Variants in NHEJ1 observed in about 807,000 individuals in gnomAD.
NHEJ1 encodes non-homologous end-joining factor 1.
A neutral mutation model predicts 39.4 loss-of-function variants in NHEJ1; 22 were observed. The observed-to-expected ratio is 0.56, with a 90% CI of 0.40 to 0.80. The LOEUF (loss-of-function observed/expected upper bound fraction) is 0.80. NHEJ1 is among the 30% of genes least tolerant of loss of function. The pLI, the probability that NHEJ1 is intolerant of heterozygous loss-of-function variation, is 0.00. For synonymous variants in NHEJ1, 154 were observed against 135.6 expected (o/e 1.14, Z -0.94); for missense variants, 329 against 357.1 (o/e 0.92, Z 0.63).
intron 5 of NHEJ1, among the ~76,000 whole-genome samples, chr2:219,140,581 C>A (rs1949681039): frequency 6.6e-6 from 1 of 152,276 alleles, no homozygotes; most frequent in African/African-American, 2.4e-5. Flanking sequence ...GGACAGCAGT[C>A]AGGATGACTC....
Position 219,111,597 on chromosome 2 carries a change from A to C in NHEJ1, c.589-33391T>G, listed in dbSNP as rs1000210163. Among the ~76,000 whole-genome samples the C allele has an allele frequency of 1.8e-4, 27 of 150,858 alleles. No individual in the cohort carries two copies. Among genetic ancestry groups the C allele is most frequent in the African/African-American group, 6.4e-4 (26 of 40,926 alleles). On this transcript the variant is annotated intron_variant, in intron 5 of 7. Coordinates refer to ENST00000356853, the MANE Select transcript of NHEJ1 (RefSeq NM_024782.3). This position sits in a 1 kb window ranked among gnomAD's most constrained non-coding sequence, Gnocchi z 4.1. ...CAAGCCAGTGGGCTGCAGGTTCTGA[A>C]GACCAGAATTAAGTCTACAGTGTGA...
chr2:219,154,124 A>T (rs80095179), intron 3 of NHEJ1, among the ~76,000 whole-genome samples: 6,256 of 152,254 alleles, frequency 0.041, 432 homozygotes, highest in African/African-American at 0.14. Context: ...ACACAAAGGC[A>T]GGTCCTCTGA....
intron 5 of NHEJ1, among the ~76,000 whole-genome samples, chr2:219,140,131 A>T (rs573982170): frequency 6.6e-6 from 1 of 152,274 alleles, no homozygotes; most frequent in East Asian, 1.9e-4. Flanking sequence ...GCCTAAAGGC[A>T]GTGTTAGAGT....
chr2:219,115,495 G>GAGCTCAGGCTCTT (rs1304941035), intron 5 of NHEJ1, among the ~76,000 whole-genome samples: 2 of 152,168 alleles, frequency 1.3e-5, no homozygotes, highest in Non-Finnish European at 2.9e-5. Flanking sequence ...CAAGTCAAGA[G>GAGCTCAGGCTCTT]CCTGAGCAAA....
At chr2:219,134,372 A>G (rs1332342350) in intron 5 of NHEJ1, among the ~76,000 whole-genome samples, 1 of 152,230 alleles carries the variant, frequency 6.6e-6, no homozygotes, top group African/African-American at 2.4e-5. Flanking sequence ...GGTTTGTTGT[A>G]AGGATTAAAT....
rs889023601 is a variant in NHEJ1 at position 219,076,174 on chromosome 2, C to G, written c.*207G>C. ...ACCTCCACCAAAAGAGAGGAGAGCA[C>G]GGGATTCTCAGAGACTGGCTTCCAC... On this transcript the variant is annotated 3_prime_UTR_variant, in exon 8 of 8. Coordinates refer to ENST00000356853, the MANE Select transcript of NHEJ1 (RefSeq NM_024782.3). 6.2e-6 allele frequency: 7 copies of G among 1,131,808 alleles called. No homozygotes were observed. In the South Asian group the frequency reaches 9.6e-5, roughly 15 times the overall value. The allele number at this position is 1,131,808 out of a possible 1,614,324, so 70.1% of individuals were successfully genotyped here.
intron 5 of NHEJ1, among the ~76,000 whole-genome samples, chr2:219,080,640 CTTATATATATGCTAATATATATAAGCTT>C (rs199931552): frequency 0.04 from 4,804 of 121,518 alleles, 373 homozygotes; most frequent in African/African-American, 0.13. Context: ...TATATATAAG[CTTATATATATGCTAATATATATAAGCTT>C]TTATATATGC....
intron 5 of NHEJ1, among the ~76,000 whole-genome samples, chr2:219,103,804 C>G (rs1949288983): frequency 6.6e-6 from 1 of 152,138 alleles, no homozygotes; most frequent in South Asian, 2.1e-4. Context: ...AGTCACACAG[C>G]TAGTAACTAA....
intron 5 of NHEJ1, among the ~76,000 whole-genome samples, chr2:219,099,689 T>A (rs997264980): frequency 6.6e-6 from 1 of 151,440 alleles, no homozygotes; most frequent in African/African-American, 2.5e-5. Context: ...CCCAGCTCCA[T>A]ACTCACTAGT....
At chr2:219,156,050 C>G (rs563596518) in intron 3 of NHEJ1, among the ~76,000 whole-genome samples, 4 of 151,992 alleles carry the variant, frequency 2.6e-5, no homozygotes, top group Admixed American at 6.6e-5. Context: ...GAGATCGAGA[C>G]CATCCTGGCT....
At chr2:219,120,462 A>C (rs1949460673) in intron 5 of NHEJ1, among the ~76,000 whole-genome samples, 1 of 152,234 alleles carries the variant, frequency 6.6e-6, no homozygotes, top group African/African-American at 2.4e-5. Context: ...AGAAGGAATC[A>C]GAATAGGGGG....
chr2:219,136,398 C>T (rs1949629094), intron 5 of NHEJ1, among the ~76,000 whole-genome samples: 1 of 151,406 alleles, frequency 6.6e-6, no homozygotes, highest in Non-Finnish European at 1.5e-5. Flanking sequence ...AAGTGATTCT[C>T]CTGCCTCAGT....
chr2:219,123,973 G>A (rs1297832771), intron 5 of NHEJ1, among the ~76,000 whole-genome samples: 1 of 152,194 alleles, frequency 6.6e-6, no homozygotes, highest in Admixed American at 6.5e-5. Context: ...AATCCTGGCG[G>A]TGGGGGCAGA....
At chr2:219,100,369 G>A (rs1228178525) in intron 5 of NHEJ1, among the ~76,000 whole-genome samples, 2 of 151,650 alleles carry the variant, frequency 1.3e-5, no homozygotes, top group Non-Finnish European at 2.9e-5. Context: ...TTGGGAGTCT[G>A]AGGCAGGTGG....
chr2:219,084,025 G>A lies in NHEJ1; in HGVS notation c.589-5819C>T, dbSNP rs202024982. ...TTCTTTGCTTTTTTTTTTTTTTTTTGAGATTAAGTCTTGCTCTGTCTCCCA... is the reference window on the plus strand; with the variant it reads ...TTCTTTGCTTTTTTTTTTTTTTTTTAAGATTAAGTCTTGCTCTGTCTCCCA... On this transcript the variant is annotated intron_variant, in intron 5 of 7. Coordinates refer to ENST00000356853, the MANE Select transcript of NHEJ1 (RefSeq NM_024782.3). Among the ~76,000 whole-genome samples, 12 of 69,854 alleles carry A rather than the reference G, an allele frequency of 1.7e-4. 1 individual carries two copies. The East Asian group carries it at 4.9e-3, about 29-fold the overall frequency. 45.8% of individuals were successfully genotyped at this position (69,854 alleles called of 152,430 possible).
intron 5 of NHEJ1, among the ~76,000 whole-genome samples, chr2:219,144,316 A>G (rs1949716306): frequency 6.6e-6 from 1 of 152,210 alleles, no homozygotes; most frequent in African/African-American, 2.4e-5. Flanking sequence ...GGGGATATAG[A>G]AATGCATTCA....
In NHEJ1 at chr2:219,157,553, T is replaced by G. The variant is rs770297793; in HGVS notation, c.309A>C (p.Ala103=). ...ATFSCDCVAD[A]LILRVRSELS... ...GCTCACTTCGCACCCGTAGAATCAG[T>G]GCATCTGCCACACAATCACAGGAGA... Residue 103 remains alanine, a synonymous_variant, in exon 3 of 8, where the codon GCA becomes GCC. Coordinates refer to ENST00000356853, the MANE Select transcript of NHEJ1 (RefSeq NM_024782.3). 6.2e-7 allele frequency: 1 copy of G among 1,614,040 alleles called. No homozygotes were observed. The highest frequency in any genetic ancestry group is 8.5e-7 in the Non-Finnish European group (1 of 1,180,046).
rs1330799282 is a variant in NHEJ1, at chr2:219,076,144, A to G, written c.*237T>C. 3 of 844,400 alleles carry G rather than the reference A, an allele frequency of 3.6e-6. No individual in the cohort carries two copies. Among genetic ancestry groups the G allele is most frequent in the Non-Finnish European group, 5.4e-6 (3 of 559,640 alleles). The allele number at this position is 844,400 out of a possible 1,614,324, so 52.3% of individuals were successfully genotyped here. ...AAGTCCATGGTAGAAACCTGAACCT[A>G]CAGAACCTCCACCAAAAGAGAGGAG... On this transcript the variant is annotated 3_prime_UTR_variant, in exon 8 of 8. Transcript: ENST00000356853.
intron 5 of NHEJ1, among the ~76,000 whole-genome samples, chr2:219,089,618 T>G (rs1487044046): frequency 6.6e-6 from 1 of 152,164 alleles, no homozygotes; most frequent in Admixed American, 6.5e-5. Flanking sequence ...GGTATGGCAT[T>G]TATTTTTGGG....
Sources: allele counts gnomAD v4.1 joint callset (sites outside exome capture counted in the v4.1 genomes callset), GRCh38; gene constraint gnomAD v4.1.1; non-coding constraint Gnocchi (gnomAD v3.1); transcripts MANE v1.5; gene names NCBI Gene and HGNC (gene_info 2026-07-23, HGNC 2026-07-21).